Variants in DLG2 observed in about 807,000 individuals in gnomAD.
DLG2 encodes discs large MAGUK scaffold protein 2, also known as disks large homolog 2.
DLG2 carries 45 observed loss-of-function variants against 132.5 expected under a neutral mutation model. The observed-to-expected ratio is 0.34, with a 90% confidence interval of 0.27 to 0.44. DLG2 has a LOEUF of 0.44. Among genes scored for constraint, DLG2 ranks in the 20% least tolerant of loss-of-function variants. The pLI is 1.00. For synonymous variants in DLG2, 424 were observed against 419.6 expected, an observed-to-expected ratio of 1.01 and a Z score of -0.13; for missense variants, 1,045 against 1,196.9, an observed-to-expected ratio of 0.87 and a Z score of 1.87.
At chr11:84,390,496 C>T (rs2098788763) in intron 7 of DLG2, among the ~76,000 whole-genome samples, 1 of 152,056 alleles carries the variant, frequency 6.6e-6, no homozygotes, top group South Asian at 2.1e-4. Flanking sequence ...TGTTGGCAAC[C>T]TTTAAAGGGT....
At chr11:84,630,309 C>G (rs2154543618) in intron 6 of DLG2, among the ~76,000 whole-genome samples, 1 of 152,244 alleles carries the variant, frequency 6.6e-6, no homozygotes, top group Admixed American at 6.5e-5. Flanking sequence ...CCATTTGGGA[C>G]ATTTCTCCAC....
intron 18 of DLG2, among the ~76,000 whole-genome samples, chr11:83,724,507 G>GAGAGAGAC (rs1274604204): frequency 6.6e-6 from 1 of 151,130 alleles, no homozygotes; most frequent in Admixed American, 6.6e-5. Context: ...GAGAGAGAGA[G>GAGAGAGAC]AGAGAGAGAG....
chr11:84,001,804 A>G lies in DLG2; in HGVS notation c.920-21162T>C, dbSNP rs146436688. Among the ~76,000 whole-genome samples, 2 of 152,306 alleles carry G rather than the reference A, an allele frequency of 1.3e-5. 1 individual carries two copies. The highest frequency in any genetic ancestry group is 3.9e-4 in the East Asian group (2 of 5,178). On this transcript the variant is annotated intron_variant, in intron 11 of 27. Transcript: ENST00000376104. Reference sequence around the variant, plus strand: ...CAAGAGCAACTTTGGAAACTATACAAGTACATGGAAATTAAACATGTTCAT... The same window carrying G: ...CAAGAGCAACTTTGGAAACTATACAGGTACATGGAAATTAAACATGTTCAT...
chr11:85,145,341 C>T (rs933608247), intron 5 of DLG2, among the ~76,000 whole-genome samples: 9 of 152,094 alleles, frequency 5.9e-5, no homozygotes, highest in Non-Finnish European at 1.0e-4. Flanking sequence ...TTTTCTATGA[C>T]CTTCGTCTAC....
intron 6 of DLG2, among the ~76,000 whole-genome samples, chr11:85,110,343 A>T (rs560587): frequency 6.6e-6 from 1 of 151,722 alleles, no homozygotes; most frequent in Non-Finnish European, 1.5e-5. Context: ...ACTTGAATCC[A>T]GGAGGTGGAG....
At chr11:83,791,285 C>T in intron 17 of DLG2, 1 of 678,788 alleles carries the variant, frequency 1.5e-6, no homozygotes, top group Non-Finnish European at 2.6e-6. Context: ...GCAGAGCTCC[C>T]AGAGGGTTTG....
chr11:85,445,258 A>G (rs548710526), intron 3 of DLG2, among the ~76,000 whole-genome samples: 2 of 152,304 alleles, frequency 1.3e-5, no homozygotes, highest in African/African-American at 4.8e-5. Flanking sequence ...TTACAAGGAA[A>G]CAGGCAGAAA....
At chr11:83,909,453 T>A (rs369301260) in intron 15 of DLG2, among the ~76,000 whole-genome samples, 1 of 152,164 alleles carries the variant, frequency 6.6e-6, no homozygotes, top group African/African-American at 2.4e-5. Context: ...GCACTGCAAC[T>A]GACAATGGAA....
At chr11:84,727,618 T>C (rs1440483526) in intron 6 of DLG2, among the ~76,000 whole-genome samples, 1 of 152,184 alleles carries the variant, frequency 6.6e-6, no homozygotes, top group Non-Finnish European at 1.5e-5. Context: ...GTAGTTTTTT[T>C]TTCCAATTCT....
intron 7 of DLG2, among the ~76,000 whole-genome samples, chr11:84,315,392 T>G (rs1228445825): frequency 6.6e-6 from 1 of 152,190 alleles, no homozygotes; most frequent in East Asian, 1.9e-4. Flanking sequence ...GCAAGTTTGC[T>G]TTCTCTGCTC....
At chr11:84,371,246 T>G (rs959130156) in intron 7 of DLG2, among the ~76,000 whole-genome samples, 3 of 149,518 alleles carry the variant, frequency 2.0e-5, no homozygotes, top group Non-Finnish European at 4.4e-5. Flanking sequence ...AAAATACATG[T>G]AGTATACAAA....
At chr11:84,927,787 C>T (rs538649788) in intron 6 of DLG2, among the ~76,000 whole-genome samples, 15 of 151,970 alleles carry the variant, frequency 9.9e-5, no homozygotes, top group Non-Finnish European at 1.3e-4. Flanking sequence ...TGTAAATTGC[C>T]GACTTTTTTC....
intron 6 of DLG2, among the ~76,000 whole-genome samples, chr11:84,880,192 G>C (rs1448655130): frequency 6.6e-6 from 1 of 152,034 alleles, no homozygotes; most frequent in East Asian, 1.9e-4. Context: ...GGATGCACAA[G>C]GATAACCCTA....
intron 12 of DLG2, among the ~76,000 whole-genome samples, chr11:83,975,421 T>C (rs1348047741): frequency 6.6e-6 from 1 of 151,956 alleles, no homozygotes; most frequent in Non-Finnish European, 1.5e-5. Context: ...AAAATATTAT[T>C]TTGCTAAAAA....
intron 4 of DLG2, among the ~76,000 whole-genome samples, chr11:85,275,097 T>A (rs890692109): frequency 6.6e-6 from 1 of 152,190 alleles, no homozygotes; most frequent in Non-Finnish European, 1.5e-5. Context: ...CTCCTGTTAA[T>A]ATGCTTTTTG....
chr11:84,190,767 C>T (rs940900321), intron 8 of DLG2, among the ~76,000 whole-genome samples: 1 of 152,142 alleles, frequency 6.6e-6, no homozygotes, highest in Admixed American at 6.6e-5. Context: ...ACCTTTTGGC[C>T]AACATTTCCT....
intron 19 of DLG2, among the ~76,000 whole-genome samples, chr11:83,598,833 A>G (rs893452386): frequency 2.0e-5 from 3 of 152,306 alleles, no homozygotes; most frequent in Non-Finnish European, 4.4e-5. Flanking sequence ...ATCATTCAAC[A>G]TGTCATTTTT....
intron 7 of DLG2, among the ~76,000 whole-genome samples, chr11:84,517,320 T>TA (rs1218443363): frequency 3.3e-5 from 5 of 151,410 alleles, no homozygotes; most frequent in African/African-American, 4.8e-5. Flanking sequence ...ACCACCAAAT[T>TA]AAAAAATGGG....
At chr11:84,022,853 T>A (rs940464703) in intron 11 of DLG2, among the ~76,000 whole-genome samples, 12 of 152,124 alleles carry the variant, frequency 7.9e-5, no homozygotes, top group Admixed American at 7.9e-4. Flanking sequence ...AAAATGTTAA[T>A]GGAATTCCTC....
Sources: gnomAD v4.1 joint callset for allele counts (sites outside exome capture counted in the v4.1 genomes callset) on GRCh38, gnomAD v4.1.1 for gene constraint, MANE v1.5 for transcripts, NCBI Gene and HGNC (gene_info 2026-07-23, HGNC 2026-07-21) for gene names.